ASIC2: variants seen among roughly 807,000 people sequenced by gnomAD.
ASIC2 encodes acid-sensing ion channel 2.
ASIC2 carries 25 observed loss-of-function variants against 57.3 expected under a neutral mutation model. The observed-to-expected ratio is 0.44, with a 90% confidence interval of 0.32 to 0.61. The LOEUF (loss-of-function observed/expected upper bound fraction) is 0.61, where lower values mean the gene tolerates loss of function less well. ASIC2 is among the 20% of genes least tolerant of loss of function. ASIC2 has a pLI of 0.06. For missense variants in ASIC2, 641 were observed against 738.1 expected, an observed-to-expected ratio of 0.87 and a Z score of 1.52; for synonymous variants, 319 against 307.5, an observed-to-expected ratio of 1.04 and a Z score of -0.39.
At chr17:33,162,173 G>A (rs1905181981) in intron 1 of ASIC2, among the ~76,000 whole-genome samples, 1 of 152,092 alleles carries the variant, frequency 6.6e-6, no homozygotes, top group African/African-American at 2.4e-5. Context: ...TGAGAGCTTG[G>A]TTAATATGAG....
intron 1 of ASIC2, among the ~76,000 whole-genome samples, chr17:33,511,973 A>C (rs974208820): frequency 5.3e-5 from 8 of 152,176 alleles, no homozygotes; most frequent in Admixed American, 2.6e-4. Context: ...AGATACCCTC[A>C]CCTAGGGCTG....
intron 1 of ASIC2, among the ~76,000 whole-genome samples, chr17:33,831,371 GT>G (rs1913105382): frequency 6.6e-6 from 1 of 151,894 alleles, no homozygotes; most frequent in African/African-American, 2.4e-5. Flanking sequence ...TGTGGATTAA[GT>G]GTCCCTCAAG....
chr17:34,093,134 A>C (rs1910391505), intron 1 of ASIC2, among the ~76,000 whole-genome samples: 1 of 152,254 alleles, frequency 6.6e-6, no homozygotes, highest in African/African-American at 2.4e-5. Context: ...ATTTTCCCAA[A>C]GTTTTTCTCT....
chr17:33,781,971 C>T (rs1282074087), intron 1 of ASIC2, among the ~76,000 whole-genome samples: 2 of 152,144 alleles, frequency 1.3e-5, no homozygotes, highest in Non-Finnish European at 2.9e-5. Context: ...TCTGTAGGAA[C>T]CTCCCCTGCA....
chr17:33,016,324 G>A (rs1567717212), intron 8 of ASIC2, among the ~76,000 whole-genome samples: 1 of 152,238 alleles, frequency 6.6e-6, no homozygotes, highest in Non-Finnish European at 1.5e-5. Flanking sequence ...GTGTTAGTAA[G>A]TGGTGTGTGC....
chr17:34,080,404 A>G (rs1909834065), intron 1 of ASIC2, among the ~76,000 whole-genome samples: 1 of 152,096 alleles, frequency 6.6e-6, no homozygotes, highest in South Asian at 2.1e-4. Flanking sequence ...CATCCTTACC[A>G]CCATCCACAG....
chr17:33,453,608 G>C (rs188972032), intron 1 of ASIC2, among the ~76,000 whole-genome samples: 2 of 152,264 alleles, frequency 1.3e-5, no homozygotes, highest in East Asian at 3.9e-4. Flanking sequence ...ATTATGTATG[G>C]TTTTAAAAAT....
chr17:33,578,917 T>TG (rs1264838831), intron 1 of ASIC2, among the ~76,000 whole-genome samples: 2 of 152,146 alleles, frequency 1.3e-5, no homozygotes, highest in Non-Finnish European at 2.9e-5. Context: ...AAAAGATGGA[T>TG]GGGGTCAGAA....
chr17:33,459,212 T>G (rs1279046478), intron 1 of ASIC2, among the ~76,000 whole-genome samples: 2 of 152,022 alleles, frequency 1.3e-5, no homozygotes, highest in African/African-American at 4.8e-5. Flanking sequence ...GGGGCAGCAG[T>G]GAGTGATTCA....
chr17:33,673,980 G>A (rs1447155093), intron 1 of ASIC2, among the ~76,000 whole-genome samples: 2 of 151,204 alleles, frequency 1.3e-5, no homozygotes, highest in East Asian at 1.9e-4. Context: ...TGCAAGCTCC[G>A]TCTCCTGGGT....
At chr17:33,360,699 A>C (rs1318597026) in intron 1 of ASIC2, among the ~76,000 whole-genome samples, 1 of 152,154 alleles carries the variant, frequency 6.6e-6, no homozygotes, top group Non-Finnish European at 1.5e-5. Flanking sequence ...TCTTTCTCAC[A>C]CTGGCTCATT....
chr17:33,806,760 C>A (rs1912278682), intron 1 of ASIC2, among the ~76,000 whole-genome samples: 2 of 152,108 alleles, frequency 1.3e-5, no homozygotes, highest in South Asian at 4.2e-4. Flanking sequence ...CCAACACTAG[C>A]CCCCACCAAG....
At chr17:33,309,645 C>G (rs1906327032) in intron 1 of ASIC2, among the ~76,000 whole-genome samples, 1 of 152,040 alleles carries the variant, frequency 6.6e-6, no homozygotes, top group Non-Finnish European at 1.5e-5. Flanking sequence ...CTCTTGTGGC[C>G]TTTATCCCAA....
intron 1 of ASIC2, among the ~76,000 whole-genome samples, chr17:33,220,700 C>A (rs910437134): frequency 6.6e-5 from 10 of 152,142 alleles, no homozygotes; most frequent in African/African-American, 2.4e-4. Flanking sequence ...CTCTCCATCT[C>A]TCCACTTCCT....
At chr17:33,512,707 T>C (rs964207562) in intron 1 of ASIC2, among the ~76,000 whole-genome samples, 2 of 152,178 alleles carry the variant, frequency 1.3e-5, no homozygotes, top group Non-Finnish European at 2.9e-5. Flanking sequence ...GGGTTTATCC[T>C]TCTAACTTGG....
chr17:34,020,221 G>T (rs1287711116), intron 1 of ASIC2, among the ~76,000 whole-genome samples: 1 of 152,170 alleles, frequency 6.6e-6, no homozygotes, highest in Non-Finnish European at 1.5e-5. Context: ...CCAGTATCTG[G>T]TGGTCCCTGG....
At chr17:33,050,033 G>T (rs1013727346) in intron 3 of ASIC2, among the ~76,000 whole-genome samples, 1 of 152,146 alleles carries the variant, frequency 6.6e-6, no homozygotes, top group African/African-American at 2.4e-5. Context: ...GAACCAGATG[G>T]GAATGTTAGG....
At chr17:33,449,574 G>C (rs927761041) in intron 1 of ASIC2, among the ~76,000 whole-genome samples, 5 of 152,054 alleles carry the variant, frequency 3.3e-5, no homozygotes, top group African/African-American at 1.2e-4. Context: ...ACTTCCCAGG[G>C]AAATATAGTG....
intron 1 of ASIC2, among the ~76,000 whole-genome samples, chr17:33,885,575 AG>A (rs1914809314): frequency 6.6e-6 from 1 of 152,242 alleles, no homozygotes; most frequent in Non-Finnish European, 1.5e-5. Flanking sequence ...AATGACATAC[AG>A]TAAGTTATGT....
Sources: allele counts gnomAD v4.1 joint callset (sites outside exome capture counted in the v4.1 genomes callset), GRCh38; gene constraint gnomAD v4.1.1; transcripts MANE v1.5; gene names NCBI Gene and HGNC (gene_info 2026-07-23, HGNC 2026-07-21).